Variants in SPTBN5 observed in about 807,000 individuals in gnomAD.
The protein encoded by SPTBN5 is spectrin beta, non-erythrocytic 5, also known as spectrin beta chain, non-erythrocytic 5.
In SPTBN5, 513 loss-of-function variants were observed where a neutral mutation model predicts 477.6. That is an observed-to-expected ratio of 1.07 (90% CI 1.00 to 1.16). SPTBN5 has a LOEUF of 1.16. Ranked by LOEUF, SPTBN5 falls within the 50% of genes most tolerant of loss-of-function variation. The pLI, the probability that SPTBN5 is intolerant of heterozygous loss-of-function variation, is 0.00. For synonymous variants in SPTBN5, 2,169 were observed against 2,011.7 expected, an observed-to-expected ratio of 1.08 and a Z score of -2.09; for missense variants, 5,062 against 4,731.8, an observed-to-expected ratio of 1.07 and a Z score of -2.05.
In SPTBN5 at chr15:41,862,278, T is replaced by C. The variant is rs758886128; in HGVS notation, c.7400A>G (p.Asp2467Gly). The C allele has an allele frequency of 1.0e-5, 16 of 1,603,732 alleles. No homozygotes were observed. The Admixed American group carries it at 1.2e-4, about 12-fold the overall frequency. The change falls in exon 44 of 68, where the codon GAT becomes GGT. Residue 2467 changes from aspartate (D) to glycine (G), a missense_variant. Coordinates refer to ENST00000320955, the MANE Select transcript of SPTBN5 (RefSeq NM_016642.4). The stretch of plus-strand genomic sequence containing the variant: ...GAGTTTCTGAGCTTGGTGCAAGGCA[T>C]CCAGCGCCTCCCTCCTGCCCACAGC... ...SRAQKRREALDALHQAQKLQA... is the reference protein window; with the variant it reads ...SRAQKRREALGALHQAQKLQA...
intron 35 of SPTBN5, 71 bp downstream of exon 35, chr15:41,867,467 C>T: frequency 6.9e-7 from 1 of 1,441,358 alleles, no homozygotes; most frequent in Non-Finnish European, 9.7e-7. Flanking sequence ...ACCAAGCGCC[C>T]CGTGACCCCC....
At chr15:41,862,052 G>T in intron 44 of SPTBN5, 78 bp downstream of exon 44, 1 of 1,507,424 alleles carries the variant, frequency 6.6e-7, no homozygotes. Context: ...GGAGGCCCAA[G>T]AGCAAGGAGA....
rs2067205821 is a variant in SPTBN5, at chr15:41,887,963, A to G, written c.624T>C (p.Asp208=). Residue 208 remains aspartate, a synonymous_variant, in exon 5 of 68, where the codon GAT becomes GAC. Coordinates refer to ENST00000320955, the MANE Select transcript of SPTBN5 (RefSeq NM_016642.4). ...NITDFSRSWS[D]GLGFNALIHA... is the part of the protein sequence containing the mutation. ...GGATGAGGGCATTGAAGCCCAGCCC[A>G]TCGCTCCAGCTTCGGGAGAAATCTG... 10 of 1,609,478 alleles carry G rather than the reference A, an allele frequency of 6.2e-6. No homozygotes were observed. The highest frequency in any genetic ancestry group is 8.5e-6 in the Non-Finnish European group (10 of 1,178,204).
rs1351282866 is a variant in SPTBN5, at chr15:41,858,668, T to C, written c.8160A>G (p.Leu2720=). Residue 2720 remains leucine (L), a synonymous_variant, in exon 49 of 68, where the codon TTA becomes TTG. Transcript: ENST00000320955. ...LLDTAMLPAQ[L]QKQQNFQAEL... is the part of the protein sequence containing the mutation. The stretch of plus-strand genomic sequence containing the variant: ...CCGCCTGGAAATTCTGCTGCTTCTG[T>C]AACTGTGCTGGCAGCATGGCTGTGT... 1 of 1,611,518 alleles carries C rather than the reference T, an allele frequency of 6.2e-7. No individual in the cohort carries two copies. The highest frequency in any genetic ancestry group is 1.1e-5 in the South Asian group (1 of 90,568).
In SPTBN5 at chr15:41,853,417, C is replaced by T. The variant is rs546709810; in HGVS notation, c.10011G>A (p.Ala3337=). The T allele has an allele frequency of 3.4e-5, 55 of 1,595,586 alleles. No homozygotes were observed. The South Asian group carries it at 3.6e-4, about 10-fold the overall frequency. ...CGTCCTCAGCCAGCTCCTCGGAGGA[C>T]GCCAGCTCCTGCCTCTCCTGTGCCC... ...LAWAQERQEL[A]SSEELAEDVA... is the part of the protein sequence containing the mutation. Residue 3337 remains alanine (A), a synonymous_variant, in exon 59 of 68, where the codon GCG becomes GCA. Transcript: ENST00000320955.
chr15:41,849,732 T>G lies in SPTBN5; in HGVS notation c.11012+137A>C, dbSNP rs1392525076. The G allele has an allele frequency of 4.4e-6, 3 of 677,456 alleles. No homozygotes were observed. In the Admixed American group the frequency reaches 7.3e-5, roughly 17 times the overall value. 42.0% of individuals were successfully genotyped at this position (677,456 alleles called of 1,614,324 possible). On this transcript the variant is annotated intron_variant, in intron 67 of 67. Transcript: ENST00000320955. The stretch of plus-strand genomic sequence containing the variant: ...TCAGCTGAGAGTGGGCAGGGGCAGC[T>G]GAGGGTTCCAATAGCATTTCCCTAC...
At position 41,852,574 on chromosome 15, in the gene SPTBN5, G is replaced by A. The variant is rs972676777; in HGVS notation, c.10449+60C>T. On this transcript the variant is annotated intron_variant, in intron 61 of 67. Transcript: ENST00000320955. ...TCAGTGCCCTGGGAGACACTGACTT[G>A]CAGGCTGAGAGGGACTGTTCCCCCA... is the stretch of plus-strand genomic sequence containing the variant. 9 of 1,544,324 alleles carry A rather than the reference G, an allele frequency of 5.8e-6. No homozygotes were observed. The Admixed American group carries it at 8.3e-5, about 14-fold the overall frequency.
At position 41,861,870 on chromosome 15, in the gene SPTBN5, C is replaced by A. The variant is rs1341653110; in HGVS notation, c.7602G>T (p.Gln2534His). ...AGGGGTGCCCCGCTGTGAGCAGTTGCTGCCCAGTGCTTCGGGCCAGGCTGA... is the reference window on the plus strand; with the variant it reads ...AGGGGTGCCCCGCTGTGAGCAGTTGATGCCCAGTGCTTCGGGCCAGGCTGA... ...DSISLARSTG[Q>H]QLLTAGHPFS... The change falls in exon 45 of 68, where the codon CAG (glutamine) becomes CAT (histidine). Residue 2534 changes from glutamine to histidine, a missense_variant. Physicochemically the swap from Gln to His is conservative, Grantham distance 24. Transcript: ENST00000320955. The A allele has an allele frequency of 6.2e-7, 1 of 1,608,550 alleles. No homozygotes were observed. Among genetic ancestry groups the A allele is most frequent in the South Asian group, 1.1e-5 (1 of 90,678 alleles).
intron 58 of SPTBN5, 37 bp downstream of exon 58, chr15:41,853,545 G>A: frequency 1.3e-6 from 2 of 1,552,122 alleles, no homozygotes; most frequent in Non-Finnish European, 1.7e-6. Flanking sequence ...CACCCCACAG[G>A]GTAGAGCTGA....
intron 32 of SPTBN5, among the ~76,000 whole-genome samples, chr15:41,869,595 TG>T (rs1294572777): frequency 1.3e-5 from 2 of 152,228 alleles, no homozygotes; most frequent in Admixed American, 1.3e-4. Context: ...CAGCCCTGTC[TG>T]GGACCCTGCA....
In SPTBN5 at chr15:41,854,861, T is replaced by C. The variant is rs756493382; in HGVS notation, c.9539A>G (p.Tyr3180Cys). The C allele has an allele frequency of 1.1e-5, 17 of 1,609,044 alleles. No homozygotes were observed. The East Asian group carries it at 3.4e-4, about 32-fold the overall frequency. Residue 3180 changes from tyrosine (Y) to cysteine (C), a missense_variant, in exon 56 of 68, where the codon TAT (tyrosine) becomes TGT (cysteine). Coordinates refer to ENST00000320955, the MANE Select transcript of SPTBN5 (RefSeq NM_016642.4). ...GTLERGAPRRYPHIQAQRSRI... is the reference protein window; with the variant it reads ...GTLERGAPRRCPHIQAQRSRI... ...GCTCCTCTGGGCTTGGATGTGGGGA[T>C]AGCGCCTGGGTGCACCCCGCTCCAG...
At chr15:41,876,085 C>T in intron 21 of SPTBN5, 29 bp downstream of exon 21, 1 of 1,582,542 alleles carries the variant, frequency 6.3e-7, no homozygotes. Flanking sequence ...GACAAGGAGG[C>T]TCTGCACCCT....
rs773311472 is a variant in SPTBN5, at chr15:41,874,877, C to G, written c.4467G>C (p.Pro1489=). Residue 1489 remains proline, a synonymous_variant, in exon 23 of 68, where the codon CCG becomes CCC. Coordinates refer to ENST00000320955, the MANE Select transcript of SPTBN5 (RefSeq NM_016642.4). The part of the protein sequence containing the change: ...ASMAHGMAAS[P]AILEETQKHL... ...GCTTCTGGGTCTCTTCCAGGATGGC[C>G]GGGGAGGCGGCCATGCCATGGGCCA... 1 of 1,611,422 alleles carries G rather than the reference C, an allele frequency of 6.2e-7. No homozygotes were observed. Among genetic ancestry groups the G allele is most frequent in the Non-Finnish European group, 8.5e-7 (1 of 1,178,836 alleles).
At chr15:41,863,302 C>A (rs555150383) in intron 41 of SPTBN5, among the ~76,000 whole-genome samples, 4 of 152,200 alleles carry the variant, frequency 2.6e-5, no homozygotes, top group African/African-American at 9.7e-5. Context: ...CTTCCTAGAC[C>A]GGGTTCTAAC....
At chr15:41,889,631 G>A (rs1282895908) in intron 4 of SPTBN5, among the ~76,000 whole-genome samples, 1 of 151,974 alleles carries the variant, frequency 6.6e-6, no homozygotes, top group Non-Finnish European at 1.5e-5. Flanking sequence ...AAGGAAGCTG[G>A]GGACCATGAA....
At position 41,882,416 on chromosome 15, in the gene SPTBN5, C is replaced by A. The variant is rs746078806; in HGVS notation, c.2100G>T (p.Arg700=). ...RHQAVCVDLV[R]RGRDLSARRP... ...TGCGGGCGCTGAGGTCGCGTCCCCTCCGCACGAGATCTACGCACACGGCCT... is the reference window on the plus strand; with the variant it reads ...TGCGGGCGCTGAGGTCGCGTCCCCTACGCACGAGATCTACGCACACGGCCT... Residue 700 remains arginine (R), a synonymous_variant, in exon 11 of 68, where the codon CGG becomes CGT. Coordinates refer to ENST00000320955, the MANE Select transcript of SPTBN5 (RefSeq NM_016642.4). 5 of 1,541,126 alleles carry A rather than the reference C, an allele frequency of 3.2e-6. No individual in the cohort carries two copies. In the South Asian group the frequency reaches 4.7e-5, roughly 15 times the overall value.
chr15:41,858,012 C>T (rs955636257), intron 49 of SPTBN5, among the ~76,000 whole-genome samples: 12 of 152,192 alleles, frequency 7.9e-5, no homozygotes, highest in Non-Finnish European at 1.2e-4. Context: ...TTAAAAAGTG[C>T]TATGCTGGGC....
rs1220698454 is a variant in SPTBN5, at chr15:41,871,879, A to T, written c.5204T>A (p.Phe1735Tyr). 1.3e-6 allele frequency: 2 copies of T among 1,586,746 alleles called. No homozygotes were observed. The highest frequency in any genetic ancestry group is 2.3e-5 in the South Asian group (2 of 86,624). ...CTGCAGGTCCTCAGCCTCCCTCAGG[A>T]ACTCATGCAGCCTCAGGGTCCCCTC... ...ELEGTLRLHE[F>Y]LREAEDLQGW... The change falls in exon 28 of 68, where the codon TTC (phenylalanine) becomes TAC (tyrosine). Residue 1735 changes from phenylalanine to tyrosine, a missense_variant. Physicochemically the swap from Phe to Tyr is conservative, Grantham distance 22 (BLOSUM62 3). Transcript: ENST00000320955.
intron 41 of SPTBN5, 110 bp downstream of exon 41, chr15:41,863,594 G>C: frequency 1.2e-6 from 1 of 832,872 alleles, no homozygotes; most frequent in South Asian, 1.6e-5. Flanking sequence ...GTACCCAGCT[G>C]AACAGGAGAG....
Sources: gnomAD v4.1 joint callset for allele counts (sites outside exome capture counted in the v4.1 genomes callset) on GRCh38, gnomAD v4.1.1 for gene constraint, MANE v1.5 for transcripts, NCBI Gene and HGNC (gene_info 2026-07-23, HGNC 2026-07-21) for gene names.